SCAPER: variants seen among roughly 807,000 people sequenced by gnomAD.
The protein encoded by SCAPER is S phase cyclin A-associated protein in the endoplasmic reticulum.
SCAPER carries 98 observed loss-of-function variants against 182.2 expected under a neutral mutation model. The ratio of observed to expected loss-of-function variants is 0.54; its 90% CI spans 0.46 to 0.64. The LOEUF is 0.64. SCAPER is among the 30% of genes least tolerant of loss of function. SCAPER has a pLI of 0.00. For synonymous variants in SCAPER, 605 were observed against 564.6 expected (o/e 1.07, Z -1.01); for missense variants, 1,432 against 1,690.0 (o/e 0.85, Z 2.68).
chr15:76,600,741 C>A (rs540877890), intron 22 of SCAPER, among the ~76,000 whole-genome samples: 1 of 120,178 alleles, frequency 8.3e-6, no homozygotes, highest in South Asian at 2.6e-4. Context: ...TGAGCCACTG[C>A]GCCCCACCCA....
chr15:76,830,124 G>T (rs1317859843), intron 5 of SCAPER, among the ~76,000 whole-genome samples: 4 of 152,082 alleles, frequency 2.6e-5, no homozygotes, highest in African/African-American at 9.7e-5. Context: ...AGAGTGTTCT[G>T]GGCGGAAAAA....
chr15:76,800,424 CTT>C lies in SCAPER; in HGVS notation c.495-62_495-61del, dbSNP rs1455654815. The C allele has an allele frequency of 1.6e-5, 18 of 1,110,154 alleles. No individual in the cohort carries two copies. In the East Asian group the frequency reaches 3.8e-4, roughly 23 times the overall value. 68.8% of individuals were successfully genotyped at this position (1,110,154 alleles called of 1,614,324 possible). ...CAGAGAAAAGGGAGAAACAAATAAT[CTT>C]TTCTCTTGGTTGTTAGTGGCTGAAA... On this transcript the variant is annotated intron_variant, in intron 6 of 31. Transcript: ENST00000563290.
chr15:76,652,984 T>G (rs766935709), intron 21 of SCAPER, among the ~76,000 whole-genome samples: 4 of 152,132 alleles, frequency 2.6e-5, no homozygotes, highest in Admixed American at 6.5e-5. Context: ...ATAAAGACTC[T>G]GACAAAGGGC....
At chr15:76,898,795 G>A (rs552620048) in intron 1 of SCAPER, among the ~76,000 whole-genome samples, 7 of 152,180 alleles carry the variant, frequency 4.6e-5, no homozygotes, top group Non-Finnish European at 8.8e-5. Flanking sequence ...AATGCTTATG[G>A]GGTTTCATAT....
At chr15:76,893,657 T>C (rs1231277679) in intron 1 of SCAPER, among the ~76,000 whole-genome samples, 1 of 152,228 alleles carries the variant, frequency 6.6e-6, no homozygotes, top group African/African-American at 2.4e-5. Flanking sequence ...CTAGGATAGA[T>C]CATATGTTAG....
intron 25 of SCAPER, among the ~76,000 whole-genome samples, chr15:76,460,707 C>A (rs1459479324): frequency 6.6e-6 from 1 of 152,116 alleles, no homozygotes; most frequent in African/African-American, 2.4e-5. Flanking sequence ...CTTTTAAATT[C>A]TCTTTCCATT....
chr15:76,650,054 A>T (rs929921376), intron 21 of SCAPER, among the ~76,000 whole-genome samples: 3 of 152,192 alleles, frequency 2.0e-5, no homozygotes, highest in African/African-American at 7.2e-5. Flanking sequence ...CACAAAAGGC[A>T]GAGGAAAGGA....
At chr15:76,561,827 GTT>G (rs34809622) in intron 23 of SCAPER, among the ~76,000 whole-genome samples, 17,584 of 138,556 alleles carry the variant, frequency 0.13, 1,106 homozygotes, top group African/African-American at 0.18. Context: ...CCTAGTATTA[GTT>G]TTTTTTTTTT....
chr15:76,458,379 C>CAT (rs568199184), intron 25 of SCAPER, among the ~76,000 whole-genome samples: 134 of 151,590 alleles, frequency 8.8e-4, no homozygotes, highest in Middle Eastern at 6.8e-3. Context: ...TATACACACA[C>CAT]ATATATATAT....
chr15:76,533,402 T>C (rs955235616), intron 23 of SCAPER, among the ~76,000 whole-genome samples: 76 of 152,306 alleles, frequency 5.0e-4, no homozygotes, highest in Middle Eastern at 3.4e-3. Context: ...ATACTTACCA[T>C]TGTGTTACAA....
intron 24 of SCAPER, among the ~76,000 whole-genome samples, chr15:76,481,899 C>T (rs1307793987): frequency 6.6e-6 from 1 of 152,204 alleles, no homozygotes; most frequent in East Asian, 1.9e-4. Context: ...ATTTTCCTTA[C>T]AATTTTGCTG....
At chr15:76,762,319 T>G (rs1310370558) in intron 14 of SCAPER, among the ~76,000 whole-genome samples, 1 of 151,952 alleles carries the variant, frequency 6.6e-6, no homozygotes, top group Non-Finnish European at 1.5e-5. Context: ...TTCTGCAGGC[T>G]TTTGTTCCTT....
chr15:76,540,817 T>C (rs1207693750), intron 23 of SCAPER, among the ~76,000 whole-genome samples: 1 of 152,098 alleles, frequency 6.6e-6, no homozygotes, highest in Non-Finnish European at 1.5e-5. Flanking sequence ...TAGAATATCA[T>C]GTGGTTCTGA....
intron 23 of SCAPER, among the ~76,000 whole-genome samples, chr15:76,526,954 C>T (rs1273291976): frequency 6.6e-6 from 1 of 152,030 alleles, no homozygotes; most frequent in Non-Finnish European, 1.5e-5. Flanking sequence ...TCACTGCAAC[C>T]TCTACCTCCC....
chr15:76,460,369 G>C (rs1596754800), intron 25 of SCAPER, among the ~76,000 whole-genome samples: 3 of 152,040 alleles, frequency 2.0e-5, no homozygotes, highest in Admixed American at 2.0e-4. Context: ...TTCATCATTG[G>C]TGTATAGAAA....
chr15:76,357,514 T>A (rs1339175813), intron 29 of SCAPER, among the ~76,000 whole-genome samples: 1 of 152,240 alleles, frequency 6.6e-6, no homozygotes, highest in East Asian at 1.9e-4. Context: ...TTGGTGGGAA[T>A]GTAAATTAGT....
At chr15:76,778,611 CTTTAATTA>C (rs2063890348) in intron 8 of SCAPER, among the ~76,000 whole-genome samples, 1 of 151,592 alleles carries the variant, frequency 6.6e-6, no homozygotes, top group Non-Finnish European at 1.5e-5. Flanking sequence ...TCCATAAACT[CTTTAATTA>C]TTTAAACACA....
chr15:76,496,172 G>A (rs2040515358), intron 24 of SCAPER, among the ~76,000 whole-genome samples: 2 of 151,762 alleles, frequency 1.3e-5, no homozygotes, highest in African/African-American at 4.8e-5. Context: ...ATAGGCAACT[G>A]GCTTCTAATT....
chr15:76,645,440 T>G (rs1272819794), intron 21 of SCAPER, among the ~76,000 whole-genome samples: 1 of 152,164 alleles, frequency 6.6e-6, no homozygotes, highest in African/African-American at 2.4e-5. Flanking sequence ...TGAACAGTCA[T>G]AGACTACTTG....
Sources: allele counts gnomAD v4.1 joint callset (sites outside exome capture counted in the v4.1 genomes callset), GRCh38; gene constraint gnomAD v4.1.1; transcripts MANE v1.5; gene names NCBI Gene and HGNC (gene_info 2026-07-23, HGNC 2026-07-21).